Variants in SGCZ observed in about 807,000 individuals in gnomAD.
The protein encoded by SGCZ is zeta-sarcoglycan.
SGCZ carries 40 observed loss-of-function variants against 41.3 expected under a neutral mutation model. The ratio of observed to expected loss-of-function variants is 0.97; its 90% CI spans 0.75 to 1.26. The LOEUF (loss-of-function observed/expected upper bound fraction) is 1.26, where lower values mean the gene tolerates loss of function less well. SGCZ is among the 50% of genes most tolerant of loss of function. The pLI, the probability that SGCZ is intolerant of heterozygous loss-of-function variation, is 0.00. For synonymous variants in SGCZ, 206 were observed against 137.5 expected (o/e 1.50, Z -3.49); for missense variants, 552 against 369.8 (o/e 1.49, Z -4.04).
intron 1 of SGCZ, among the ~76,000 whole-genome samples, chr8:14,601,459 T>C (rs1805586861): frequency 6.6e-6 from 1 of 152,158 alleles, no homozygotes; most frequent in Non-Finnish European, 1.5e-5. Context: ...TTCCTTTTTT[T>C]TCAAAAATCA....
chr8:14,102,797 T>A (rs1247084755), intron 6 of SGCZ, among the ~76,000 whole-genome samples: 1 of 152,190 alleles, frequency 6.6e-6, no homozygotes, highest in Admixed American at 6.5e-5. Flanking sequence ...CCCCTCAGAA[T>A]GCTCATGAAA....
chr8:14,478,022 T>C (rs1243138100), intron 2 of SGCZ, among the ~76,000 whole-genome samples: 1 of 152,240 alleles, frequency 6.6e-6, no homozygotes, highest in African/African-American at 2.4e-5. Context: ...AGAAGGAACC[T>C]GATGAATATG....
rs149802710 is a variant in SGCZ at position 14,758,418 on chromosome 8, C to T, written c.40-203492G>A. On this transcript the variant is annotated intron_variant, in intron 1 of 7. Coordinates refer to ENST00000382080, the MANE Select transcript of SGCZ (RefSeq NM_139167.4). ...TTTTTTCATCAATTTATAATTTCAT[C>T]GTTCTTCCCTCTCCTCCAATAATTT... Among the ~76,000 whole-genome samples, 16 of 152,190 alleles carry T rather than the reference C, an allele frequency of 1.1e-4. 1 individual carries two copies. The East Asian group carries it at 2.9e-3, about 28-fold the overall frequency.
chr8:14,900,166 C>A (rs564114540), intron 1 of SGCZ, among the ~76,000 whole-genome samples: 2 of 152,172 alleles, frequency 1.3e-5, no homozygotes, highest in South Asian at 4.1e-4. Context: ...TGTAGACAGA[C>A]AAGGGCGGTT....
At chr8:15,194,962 T>A (rs1016865047) in intron 1 of SGCZ, among the ~76,000 whole-genome samples, 1 of 152,194 alleles carries the variant, frequency 6.6e-6, no homozygotes, top group Non-Finnish European at 1.5e-5. Flanking sequence ...ACGTCGTTTT[T>A]AAAAAGGAAA....
At chr8:15,107,304 C>G (rs2131092701) in intron 1 of SGCZ, among the ~76,000 whole-genome samples, 1 of 152,204 alleles carries the variant, frequency 6.6e-6, no homozygotes, top group African/African-American at 2.4e-5. Context: ...TTCACCAAAA[C>G]TTATGTTGCA....
intron 1 of SGCZ, among the ~76,000 whole-genome samples, chr8:15,028,736 C>T (rs528138081): frequency 1.5e-4 from 23 of 152,094 alleles, no homozygotes; most frequent in Middle Eastern, 3.4e-3. Flanking sequence ...TTTCTGGATG[C>T]GAGAGATAGG....
chr8:14,801,283 G>A (rs929864219), intron 1 of SGCZ, among the ~76,000 whole-genome samples: 13 of 152,178 alleles, frequency 8.5e-5, no homozygotes, highest in Non-Finnish European at 1.8e-4. Flanking sequence ...ATATGCATAT[G>A]CTACTGGCAT....
chr8:14,121,649 A>G (rs903444402), intron 5 of SGCZ, among the ~76,000 whole-genome samples: 6 of 152,132 alleles, frequency 3.9e-5, no homozygotes, highest in African/African-American at 7.2e-5. Context: ...TGTGTAGCAA[A>G]ATTTATTTTG....
At chr8:15,038,204 T>C (rs1191074187) in intron 1 of SGCZ, among the ~76,000 whole-genome samples, 2 of 152,154 alleles carry the variant, frequency 1.3e-5, no homozygotes, top group African/African-American at 4.8e-5. Context: ...GACTTCAAAA[T>C]ATACTACAAA....
intron 2 of SGCZ, among the ~76,000 whole-genome samples, chr8:14,355,898 T>C (rs1374298065): frequency 6.6e-6 from 1 of 152,182 alleles, no homozygotes; most frequent in Non-Finnish European, 1.5e-5. Flanking sequence ...GATAATTGTA[T>C]ATTGATGTTC....
chr8:14,240,301 C>T lies in SGCZ; in HGVS notation c.337-2622G>A, dbSNP rs1037444834. ...CCAGATTGCACCACTGCACTCCAGC[C>T]TGAGTGACAGAGCGAAACTCTGTGT... On this transcript the variant is annotated intron_variant, in intron 3 of 7. Coordinates refer to ENST00000382080, the MANE Select transcript of SGCZ (RefSeq NM_139167.4). Among the ~76,000 whole-genome samples, 13 of 140,502 alleles carry T rather than the reference C, an allele frequency of 9.3e-5. No homozygotes were observed. In the East Asian group the frequency reaches 2.4e-3, roughly 26 times the overall value. The allele number at this position is 140,502 out of a possible 152,430, so 92.2% of individuals were successfully genotyped here. A position where few individuals can be genotyped will look rare whatever the true frequency, so the allele number is the denominator to read the frequency against.
chr8:14,635,387 C>A (rs1806795573), intron 1 of SGCZ, among the ~76,000 whole-genome samples: 1 of 151,872 alleles, frequency 6.6e-6, no homozygotes, highest in East Asian at 1.9e-4. Flanking sequence ...ATCTATTATT[C>A]TTCAACTTAT....
chr8:14,271,642 T>C (rs555179907), intron 3 of SGCZ, among the ~76,000 whole-genome samples: 11 of 149,660 alleles, frequency 7.3e-5, no homozygotes, highest in Admixed American at 6.6e-5. Flanking sequence ...TATAGAAAGA[T>C]TTTTTTCCTG....
At chr8:14,646,869 T>C (rs1423898552) in intron 1 of SGCZ, among the ~76,000 whole-genome samples, 2 of 151,970 alleles carry the variant, frequency 1.3e-5, no homozygotes, top group East Asian at 1.9e-4. Context: ...GACCCTTTTC[T>C]AAGGATTTTT....
chr8:14,424,760 C>G (rs1002016852), intron 2 of SGCZ, among the ~76,000 whole-genome samples: 4 of 152,092 alleles, frequency 2.6e-5, no homozygotes, highest in African/African-American at 9.7e-5. Flanking sequence ...TTTTCTAATA[C>G]AATGAAAGAC....
intron 1 of SGCZ, among the ~76,000 whole-genome samples, chr8:15,141,809 G>A (rs921280871): frequency 2.6e-5 from 4 of 151,860 alleles, no homozygotes; most frequent in Non-Finnish European, 5.9e-5. Context: ...GCTGAGGCAG[G>A]AGAACCACTT....
At chr8:15,006,711 ACT>A (rs1390542780) in intron 1 of SGCZ, among the ~76,000 whole-genome samples, 5 of 152,242 alleles carry the variant, frequency 3.3e-5, no homozygotes, top group African/African-American at 9.6e-5. Context: ...GATTAATTAG[ACT>A]CTATAAAAAA....
intron 1 of SGCZ, among the ~76,000 whole-genome samples, chr8:14,670,729 A>G (rs1005405468): frequency 6.6e-6 from 1 of 152,106 alleles, no homozygotes; most frequent in African/African-American, 2.4e-5. Flanking sequence ...TGACTCATTT[A>G]TTTTCAGTAC....
Sources: allele counts gnomAD v4.1 joint callset (sites outside exome capture counted in the v4.1 genomes callset), GRCh38; gene constraint gnomAD v4.1.1; transcripts MANE v1.5; gene names NCBI Gene and HGNC (gene_info 2026-07-23, HGNC 2026-07-21).